Variants in NAALADL2 observed in about 807,000 individuals in gnomAD.
NAALADL2 encodes N-acetylated alpha-linked acidic dipeptidase like 2.
In NAALADL2, 76 loss-of-function variants were observed where a neutral mutation model predicts 87.2. The observed-to-expected ratio is 0.87, with a 90% CI of 0.72 to 1.05. The LOEUF is 1.05. Ranked by LOEUF, NAALADL2 falls within the 50% of genes least tolerant of loss-of-function variation. NAALADL2 has a pLI of 0.00. For synonymous variants in NAALADL2, 354 were observed against 331.0 expected, an observed-to-expected ratio of 1.07 and a Z score of -0.75; for missense variants, 1,089 against 945.8, an observed-to-expected ratio of 1.15 and a Z score of -1.99.
chr3:175,040,661 G>T (rs1164163234), intron 1 of NAALADL2, among the ~76,000 whole-genome samples: 1 of 152,056 alleles, frequency 6.6e-6, no homozygotes, highest in African/African-American at 2.4e-5. Context: ...ACTACTTCAA[G>T]GCTCAATTGA....
intron 5 of NAALADL2, among the ~76,000 whole-genome samples, chr3:175,339,084 G>T (rs1489709203): frequency 1.3e-5 from 2 of 152,218 alleles, no homozygotes; most frequent in African/African-American, 4.8e-5. Context: ...AACAACTGCG[G>T]CAGGCACACT....
chr3:174,461,730 A>T (rs933011146), intron 1 of NAALADL2, among the ~76,000 whole-genome samples: 1 of 152,096 alleles, frequency 6.6e-6, no homozygotes, highest in African/African-American at 2.4e-5. Flanking sequence ...ACTTAACATG[A>T]TGCTCTTGAT....
chr3:174,681,518 G>A (rs992433092), intron 2 of NAALADL2, among the ~76,000 whole-genome samples: 1 of 152,086 alleles, frequency 6.6e-6, no homozygotes, highest in Admixed American at 6.6e-5. Context: ...AAAAGGATAG[G>A]ACTCCAATCA....
chr3:174,730,976 A>G lies in NAALADL2; in HGVS notation c.-114-6665A>G, dbSNP rs139413060. On this transcript the variant is annotated intron_variant, in intron 2 of 3. Coordinates refer to the NAALADL2 transcript ENST00000434257. ...CATAATTATTTTGTGAAAATTGTATATATTATAACACAATTATAAATTTTT... is the reference window on the plus strand; with the variant it reads ...CATAATTATTTTGTGAAAATTGTATGTATTATAACACAATTATAAATTTTT... Among the ~76,000 whole-genome samples, 41 of 152,260 alleles carry G rather than the reference A, an allele frequency of 2.7e-4. 1 individual carries two copies. Among genetic ancestry groups the G allele is most frequent in the Admixed American group, 9.8e-4 (15 of 15,264 alleles).
At chr3:175,656,296 G>T (rs755117196) in intron 11 of NAALADL2, among the ~76,000 whole-genome samples, 8 of 152,130 alleles carry the variant, frequency 5.3e-5, no homozygotes, top group Non-Finnish European at 8.8e-5. Flanking sequence ...TGATTAAAAA[G>T]AATCTGCATA....
At chr3:175,446,683 C>A (rs938919519) in intron 5 of NAALADL2, among the ~76,000 whole-genome samples, 10 of 152,154 alleles carry the variant, frequency 6.6e-5, no homozygotes, top group African/African-American at 2.4e-4. Flanking sequence ...AGAGAACAAG[C>A]CATTTCACAA....
chr3:175,475,749 C>A (rs1165763890), intron 9 of NAALADL2, among the ~76,000 whole-genome samples: 1 of 152,138 alleles, frequency 6.6e-6, no homozygotes, highest in Admixed American at 6.6e-5. Flanking sequence ...CATAGTCTCA[C>A]TTTGTCACCC....
intron 2 of NAALADL2, among the ~76,000 whole-genome samples, chr3:174,702,526 C>T (rs968113582): frequency 5.9e-5 from 9 of 152,122 alleles, no homozygotes; most frequent in Non-Finnish European, 1.3e-4. Context: ...GGGATACATT[C>T]TAAGAAATAT....
At chr3:175,766,238 A>C (rs1470292985) in intron 13 of NAALADL2, among the ~76,000 whole-genome samples, 1 of 152,084 alleles carries the variant, frequency 6.6e-6, no homozygotes, top group Non-Finnish European at 1.5e-5. Context: ...TGTTTCCGTA[A>C]ATCTTAGATG....
intron 1 of NAALADL2, among the ~76,000 whole-genome samples, chr3:174,963,826 G>C (rs981677205): frequency 6.6e-5 from 10 of 152,068 alleles, no homozygotes; most frequent in African/African-American, 2.4e-4. Context: ...GGACTGCTAA[G>C]TTTGGTAGAA....
chr3:175,011,276 GAGAC>G (rs200681437), intron 1 of NAALADL2, among the ~76,000 whole-genome samples: 9,120 of 109,594 alleles, frequency 0.083, 338 homozygotes, highest in African/African-American at 0.15. Flanking sequence ...GAGAGACAGA[GAGAC>G]AGAGAGAGAG....
At chr3:174,987,568 C>CAAAAAAAAAAAAAAAAA (rs1159602995) in intron 1 of NAALADL2, among the ~76,000 whole-genome samples, 1 of 20,850 alleles carries the variant, frequency 4.8e-5, no homozygotes, top group African/African-American at 1.0e-4. Context: ...GACTCCGTCT[C>CAAAAAAAAAAAAAAAAA]AAAAAAAAAA....
chr3:175,235,960 G>A (rs1188739000), intron 3 of NAALADL2, among the ~76,000 whole-genome samples: 1 of 152,034 alleles, frequency 6.6e-6, no homozygotes, highest in Non-Finnish European at 1.5e-5. Flanking sequence ...CCTTAGATAC[G>A]GGTTCACCAC....
intron 2 of NAALADL2, among the ~76,000 whole-genome samples, chr3:174,688,961 T>C (rs1728298810): frequency 6.6e-6 from 1 of 152,042 alleles, no homozygotes; most frequent in Admixed American, 6.6e-5. Flanking sequence ...AATTAAATGT[T>C]ATCTTCAGAA....
chr3:175,018,799 G>A (rs1246865418), intron 1 of NAALADL2, among the ~76,000 whole-genome samples: 1 of 152,014 alleles, frequency 6.6e-6, no homozygotes, highest in African/African-American at 2.4e-5. Context: ...TTTACATAGT[G>A]CCTCCATACC....
At chr3:174,821,765 A>G (rs963903815) in intron 3 of NAALADL2, among the ~76,000 whole-genome samples, 2 of 152,196 alleles carry the variant, frequency 1.3e-5, no homozygotes, top group African/African-American at 4.8e-5. Context: ...GGAAGATAAG[A>G]ATATCAGACA....
intron 1 of NAALADL2, among the ~76,000 whole-genome samples, chr3:174,983,068 G>T (rs188366154): frequency 1.3e-5 from 2 of 152,158 alleles, no homozygotes; most frequent in African/African-American, 4.8e-5. Flanking sequence ...AAAGTGCTGG[G>T]ATTACAGGCG....
intron 3 of NAALADL2, among the ~76,000 whole-genome samples, chr3:174,820,432 T>G (rs1721290898): frequency 6.6e-6 from 1 of 152,184 alleles, no homozygotes; most frequent in African/African-American, 2.4e-5. Context: ...GCAAAAAATA[T>G]AATTTATCAG....
In NAALADL2 at chr3:175,719,352, T is replaced by C. The variant is rs1741891614; in HGVS notation, c.1897-17954T>C. Among the ~76,000 whole-genome samples the C allele has an allele frequency of 2.0e-5, 3 of 151,864 alleles. No individual in the cohort carries two copies. The South Asian group carries it at 6.3e-4, about 32-fold the overall frequency. On this transcript the variant is annotated intron_variant, in intron 11 of 13. Transcript: ENST00000454872. Reference sequence around the variant, plus strand: ...TATAACAGTATGTTCATATTGAAAGTGCACATGTACCCTAAAACTTAAAGT... The same window carrying C: ...TATAACAGTATGTTCATATTGAAAGCGCACATGTACCCTAAAACTTAAAGT...
Sources: allele counts gnomAD v4.1 joint callset (sites outside exome capture counted in the v4.1 genomes callset), GRCh38; gene constraint gnomAD v4.1.1; transcripts MANE v1.5; gene names NCBI Gene and HGNC (gene_info 2026-07-23, HGNC 2026-07-21).